Variants in TPRX1 observed in about 807,000 individuals in gnomAD.
The protein encoded by TPRX1 is tetra-peptide repeat homeobox protein 1.
In TPRX1, 2 loss-of-function variants were observed where a neutral mutation model predicts 8.1. The ratio of observed to expected loss-of-function variants is 0.25; its 90% CI spans 0.10 to 0.78. The LOEUF (loss-of-function observed/expected upper bound fraction) is 0.78. Among genes scored for constraint, TPRX1 ranks in the 30% least tolerant of loss-of-function variants. The pLI is 0.70. For missense variants in TPRX1, 517 were observed against 586.9 expected (o/e 0.88, Z 1.23); for synonymous variants, 257 against 254.1 (o/e 1.01, Z -0.11).
intron 2 of TPRX1, among the ~76,000 whole-genome samples, chr19:47,818,157 G>A (rs1258777372): frequency 6.6e-6 from 1 of 152,030 alleles, no homozygotes; most frequent in African/African-American, 2.4e-5. Context: ...ACTTCTCTGT[G>A]CCAGTGTCTC....
At chr19:47,816,274 G>C (rs1287580573) in intron 2 of TPRX1, among the ~76,000 whole-genome samples, 1 of 151,982 alleles carries the variant, frequency 6.6e-6, no homozygotes, top group East Asian at 1.9e-4. Context: ...TGCCATGTGG[G>C]CCAGGCTGGT....
At chr19:47,815,116 A>ATATATATATATATATT (rs1967820252) in intron 2 of TPRX1, among the ~76,000 whole-genome samples, 1 of 71,718 alleles carries the variant, frequency 1.4e-5, no homozygotes, top group Non-Finnish European at 2.8e-5. Context: ...TAGATAAATT[A>ATATATATATATATATT]TATATATATA....
chr19:47,807,346 G>A (rs757120604), intron 2 of TPRX1, among the ~76,000 whole-genome samples: 12 of 152,034 alleles, frequency 7.9e-5, no homozygotes, highest in Middle Eastern at 3.2e-3. Context: ...GTGAACCAGC[G>A]TGCCCGGCCT....
At chr19:47,815,114 T>TTATAAATATATATATA (rs1967819360) in intron 2 of TPRX1, among the ~76,000 whole-genome samples, 1 of 63,390 alleles carries the variant, frequency 1.6e-5, no homozygotes, top group Non-Finnish European at 2.7e-5. Context: ...AATAGATAAA[T>TTATAAATATATATATA]TATATATATA....
chr19:47,818,517 A>C (rs1051848048), exon 2 of TPRX1: 1 of 456,006 alleles, frequency 2.2e-6, no homozygotes, highest in African/African-American at 2.0e-5. Flanking sequence ...GCTGAGAACA[A>C]GACAGACAGG....
At chr19:47,803,354 G>A in intron 3 of TPRX1, 150 bp downstream of exon 2, 2 of 666,352 alleles carry the variant, frequency 3.0e-6, no homozygotes, top group Non-Finnish European at 5.4e-6. Flanking sequence ...AGTTGGAACA[G>A]GACTCAGGAT....
chr19:47,816,657 C>T (rs1036617073), intron 2 of TPRX1, among the ~76,000 whole-genome samples: 2 of 151,724 alleles, frequency 1.3e-5, no homozygotes, highest in Non-Finnish European at 2.9e-5. Flanking sequence ...CTCAGCCTCC[C>T]GAGTAGCTGG....
rs1319922205 is a variant in TPRX1, at chr19:47,813,960, GT to G, written c.151+4507del. 8.7e-5 allele frequency among the ~76,000 whole-genome samples: 13 copies of G among 149,528 alleles called. No homozygotes were observed. In the East Asian group the frequency reaches 2.6e-3, roughly 30 times the overall value. On this transcript the variant is annotated intron_variant, in intron 2 of 3. Transcript: ENST00000535759. ...CAGAGAAGGGCGTGGTGGGGGCGGG[GT>G]GGGGGTGGGGTGGGGAGAGGCAGGG...
rs200783256 is a variant in TPRX1 at position 47,815,127 on chromosome 19, T to TGC, written c.151+3340_151+3341insGC. On this transcript the variant is annotated intron_variant, in intron 2 of 3. Coordinates refer to ENST00000535759, the Ensembl canonical transcript of TPRX1. ...TAAATAGATAAATTATATATATATATATATATATATATATATGCAAATATA... is the reference window on the plus strand; with the variant it reads ...TAAATAGATAAATTATATATATATATGCATATATATATATATATGCAAATATA... Among the ~76,000 whole-genome samples, 111 of 104,916 alleles carry TGC rather than the reference T, an allele frequency of 1.1e-3. 1 individual carries two copies. The highest frequency in any genetic ancestry group is 1.6e-3 in the South Asian group (5 of 3,118). 68.8% of individuals were successfully genotyped at this position (104,916 alleles called of 152,430 possible). A position where few individuals can be genotyped will look rare whatever the true frequency, so the allele number is the denominator to read the frequency against.
At chr19:47,808,151 C>G (rs1967751175) in intron 2 of TPRX1, among the ~76,000 whole-genome samples, 1 of 151,932 alleles carries the variant, frequency 6.6e-6, no homozygotes, top group African/African-American at 2.4e-5. Context: ...TTTCACTCTT[C>G]TTGCCCAGGC....
chr19:47,813,336 A>G (rs2123718825), intron 2 of TPRX1, among the ~76,000 whole-genome samples: 1 of 151,852 alleles, frequency 6.6e-6, no homozygotes, highest in Admixed American at 6.6e-5. Flanking sequence ...TCAACAAACA[A>G]ACAACAAACA....
chr19:47,816,735 T>C (rs1401178912), intron 2 of TPRX1, among the ~76,000 whole-genome samples: 5 of 151,548 alleles, frequency 3.3e-5, no homozygotes, highest in Non-Finnish European at 5.9e-5. Flanking sequence ...GGTTTCACCA[T>C]GTTAGCCAGG....
chr19:47,805,728 G>A (rs1967730052), intron 2 of TPRX1, among the ~76,000 whole-genome samples: 1 of 152,154 alleles, frequency 6.6e-6, no homozygotes, highest in South Asian at 2.1e-4. Context: ...TACAGGACAT[G>A]CTGGGAACAC....
chr19:47,802,964 C>A (rs926667503), exon 4 of TPRX1: 27 of 1,538,368 alleles, frequency 1.8e-5, no homozygotes, highest in Non-Finnish European at 2.3e-5. Context: ...TTTGGCGCGG[C>A]GATTCTTGAA....
At chr19:47,816,584 G>T (rs1205070768) in intron 2 of TPRX1, among the ~76,000 whole-genome samples, 2 of 145,034 alleles carry the variant, frequency 1.4e-5, no homozygotes, top group South Asian at 2.2e-4. Flanking sequence ...CCAGGCTGGA[G>T]TGCGGTGGCA....
intron 2 of TPRX1, among the ~76,000 whole-genome samples, chr19:47,812,880 T>C (rs149776735): frequency 8.0e-5 from 12 of 150,344 alleles, no homozygotes; most frequent in African/African-American, 2.9e-4. Flanking sequence ...CCGAGGCGGG[T>C]GGATCACTTG....
At chr19:47,815,125 T>TATATATATATGCAA (rs1555800013) in intron 2 of TPRX1, among the ~76,000 whole-genome samples, 12 of 97,430 alleles carry the variant, frequency 1.2e-4, no homozygotes, top group Non-Finnish European at 2.3e-4. Context: ...TATATATATA[T>TATATATATATGCAA]ATATATATAT....
chr19:47,805,513 G>A (rs148663300), intron 2 of TPRX1, among the ~76,000 whole-genome samples: 2 of 152,286 alleles, frequency 1.3e-5, no homozygotes, highest in African/African-American at 4.8e-5. Flanking sequence ...CAGGACCCAC[G>A]TGGGTTCAGG....
At chr19:47,805,352 C>T (rs919293958) in intron 2 of TPRX1, among the ~76,000 whole-genome samples, 5 of 152,224 alleles carry the variant, frequency 3.3e-5, no homozygotes, top group Non-Finnish European at 4.4e-5. Flanking sequence ...GTCTGATGGA[C>T]GTGCCCATGG....
Sources: gnomAD v4.1 joint callset for allele counts (sites outside exome capture counted in the v4.1 genomes callset) on GRCh38, gnomAD v4.1.1 for gene constraint, MANE v1.5 for transcripts, NCBI Gene and HGNC (gene_info 2026-07-23, HGNC 2026-07-21) for gene names.